Variants in VPS8 observed in about 807,000 individuals in gnomAD.
VPS8 encodes vacuolar protein sorting-associated protein 8 homolog.
In VPS8, 129 loss-of-function variants were observed where a neutral mutation model predicts 216.4. The ratio of observed to expected loss-of-function variants is 0.60; its 90% CI spans 0.52 to 0.69. VPS8 has a LOEUF of 0.69. VPS8 is among the 30% of genes least tolerant of loss of function. The pLI, the probability that VPS8 is intolerant of heterozygous loss-of-function variation, is 0.00. For missense variants in VPS8, 1,531 were observed against 1,683.5 expected (o/e 0.91, Z 1.59); for synonymous variants, 571 against 565.4 (o/e 1.01, Z -0.14).
chr3:185,039,687 AAAAGAG>A (rs1759378802), intron 46 of VPS8, among the ~76,000 whole-genome samples: 1 of 152,106 alleles, frequency 6.6e-6, no homozygotes, highest in South Asian at 2.1e-4. Context: ...TTAGTAGAAG[AAAAGAG>A]AAGGTCTGGA....
At chr3:185,023,605 C>G (rs1212602352) in intron 45 of VPS8, among the ~76,000 whole-genome samples, 1 of 151,998 alleles carries the variant, frequency 6.6e-6, no homozygotes, top group Admixed American at 6.6e-5. Flanking sequence ...TTGCAATGAG[C>G]CAAGATCGTG....
chr3:184,938,649 C>CTTTTTTTTTTTTTT (rs113635324), intron 35 of VPS8, among the ~76,000 whole-genome samples: 1 of 140,722 alleles, frequency 7.1e-6, no homozygotes, highest in African/African-American at 2.6e-5. Context: ...TTCTTTTTTT[C>CTTTTTTTTTTTTTT]TTTTTTTTTT....
chr3:185,007,697 C>T (rs1754453685), intron 45 of VPS8, among the ~76,000 whole-genome samples: 1 of 152,144 alleles, frequency 6.6e-6, no homozygotes, highest in South Asian at 2.1e-4. Context: ...TCAAAACCAA[C>T]TGAGTTTTTC....
At chr3:184,849,683 T>C (rs1490470018) in intron 9 of VPS8, 5 of 465,188 alleles carry the variant, frequency 1.1e-5, no homozygotes, top group Non-Finnish European at 1.9e-5. Context: ...GAAATATCTT[T>C]TGTCTCTCAG....
chr3:184,965,924 A>C (rs1747328912), intron 38 of VPS8, among the ~76,000 whole-genome samples: 1 of 152,154 alleles, frequency 6.6e-6, no homozygotes, highest in African/African-American at 2.4e-5. Context: ...GTAGTTGATG[A>C]TTTTAGCTTA....
chr3:185,011,613 T>G (rs1376357477), intron 45 of VPS8, among the ~76,000 whole-genome samples: 1 of 152,218 alleles, frequency 6.6e-6, no homozygotes, highest in African/African-American at 2.4e-5. Context: ...GTGCTGAGTT[T>G]TGAATGTAAA....
At chr3:184,992,556 C>T (rs1186674296) in intron 42 of VPS8, among the ~76,000 whole-genome samples, 2 of 151,972 alleles carry the variant, frequency 1.3e-5, no homozygotes, top group East Asian at 1.9e-4. Context: ...TTTCTTTACT[C>T]ATAAAACCTG....
At position 184,852,505 on chromosome 3, in the gene VPS8, A is replaced by G. The variant is rs778587238; in HGVS notation, c.759A>G (p.Thr253=). 6.2e-7 allele frequency: 1 copy of G among 1,613,372 alleles called. No homozygotes were observed. The highest frequency in any genetic ancestry group is 1.7e-5 in the Admixed American group (1 of 59,930). ...PGTAILHIKF[T]DDPTLAICND... Reference sequence around the variant, plus strand: ...TAAATTCCTTCTCTGTTTAGTTTACAGATGATCCAACTCTTGCAATTTGCA... The same window carrying G: ...TAAATTCCTTCTCTGTTTAGTTTACGGATGATCCAACTCTTGCAATTTGCA... Residue 253 remains threonine, a synonymous_variant, in exon 11 of 48, where the codon ACA becomes ACG. Transcript: ENST00000625842.
At chr3:185,033,226 A>G (rs1327239084) in intron 46 of VPS8, among the ~76,000 whole-genome samples, 2 of 152,194 alleles carry the variant, frequency 1.3e-5, no homozygotes, top group African/African-American at 4.8e-5. Flanking sequence ...AAATGTATCC[A>G]CCATTACACC....
intron 36 of VPS8, among the ~76,000 whole-genome samples, chr3:184,953,059 T>C (rs1453692457): frequency 6.6e-6 from 1 of 152,206 alleles, no homozygotes; most frequent in African/African-American, 2.4e-5. Context: ...CATCCTGTCA[T>C]GGCTGGGAAC....
At chr3:184,871,051 C>T (rs956808446) in intron 21 of VPS8, among the ~76,000 whole-genome samples, 3 of 151,986 alleles carry the variant, frequency 2.0e-5, no homozygotes, top group Non-Finnish European at 4.4e-5. Flanking sequence ...AAAGGATATA[C>T]GTGTGAAGAT....
chr3:184,950,400 T>TA (rs1303896880), intron 36 of VPS8, among the ~76,000 whole-genome samples: 10 of 151,678 alleles, frequency 6.6e-5, no homozygotes, highest in Non-Finnish European at 1.3e-4. Context: ...ACCTAAATTG[T>TA]AAAAGCAATA....
intron 2 of VPS8, chr3:184,825,106 G>T (rs919528827): frequency 3.3e-5 from 9 of 270,000 alleles, no homozygotes; most frequent in South Asian, 1.6e-4. Flanking sequence ...GTCTCGCCAT[G>T]TTGCCCAGGC....
At chr3:184,987,462 T>C (rs551351928) in intron 42 of VPS8, among the ~76,000 whole-genome samples, 1 of 152,206 alleles carries the variant, frequency 6.6e-6, no homozygotes, top group South Asian at 2.1e-4. Context: ...TTCCAGAATG[T>C]CATATAGTTG....
intron 45 of VPS8, among the ~76,000 whole-genome samples, chr3:185,012,483 A>C (rs1755161006): frequency 6.6e-6 from 1 of 151,330 alleles, no homozygotes. Flanking sequence ...AATTTTCCCA[A>C]ATTTCATAGC....
chr3:185,052,607 CA>C (rs1714468582), downstream of VPS8: 1 of 129,080 alleles, frequency 7.7e-6, no homozygotes, highest in Non-Finnish European at 1.6e-5. Flanking sequence ...TTAAGTTCTG[CA>C]GGTCTCCTGG....
intron 45 of VPS8, among the ~76,000 whole-genome samples, chr3:185,018,770 G>A (rs1756201678): frequency 6.6e-6 from 1 of 152,124 alleles, no homozygotes; most frequent in Admixed American, 6.6e-5. Flanking sequence ...TAATCTGGGG[G>A]GTGTATTCTA....
At chr3:185,018,511 G>T (rs1376539885) in intron 45 of VPS8, among the ~76,000 whole-genome samples, 3 of 152,212 alleles carry the variant, frequency 2.0e-5, no homozygotes, top group Non-Finnish European at 2.9e-5. Flanking sequence ...TTGGGCCTGG[G>T]CGTTGCAAGC....
intron 44 of VPS8, among the ~76,000 whole-genome samples, chr3:184,997,626 T>G (rs1333427021): frequency 6.6e-6 from 1 of 152,186 alleles, no homozygotes; most frequent in Non-Finnish European, 1.5e-5. Flanking sequence ...GGAGTTTACA[T>G]TGTAGTGGCA....
Sources: allele counts gnomAD v4.1 joint callset (sites outside exome capture counted in the v4.1 genomes callset), GRCh38; gene constraint gnomAD v4.1.1; transcripts MANE v1.5; gene names NCBI Gene and HGNC (gene_info 2026-07-23, HGNC 2026-07-21).